LEF1: variants seen among roughly 807,000 people sequenced by gnomAD.
The protein encoded by LEF1 is lymphoid enhancer binding factor 1.
In LEF1, 14 loss-of-function variants were observed where a neutral mutation model predicts 51.2. That is an observed-to-expected ratio of 0.27 (90% CI 0.18 to 0.43). The LOEUF is 0.43. LEF1 is among the 20% of genes least tolerant of loss of function. The pLI is 1.00. For missense variants in LEF1, 386 were observed against 512.0 expected, an observed-to-expected ratio of 0.75 and a Z score of 2.37; for synonymous variants, 185 against 183.2, an observed-to-expected ratio of 1.01 and a Z score of -0.08.
At chr4:108,108,638 G>A (rs1423954289) in intron 3 of LEF1, among the ~76,000 whole-genome samples, 1 of 152,106 alleles carries the variant, frequency 6.6e-6, no homozygotes, top group Non-Finnish European at 1.5e-5. Flanking sequence ...AGTCCCACTT[G>A]TTCATCTCAC....
chr4:108,048,627 T>C lies in LEF1; in HGVS notation c.*131A>G. On this transcript the variant is annotated 3_prime_UTR_variant, in exon 12 of 12. Transcript: ENST00000265165. ...CCTCAGGGTAAAATTGATGTCAGTG[T>C]TCCTTTGGGGTCGACTGGGCAGGCC... 2 of 1,314,978 alleles carry C rather than the reference T, an allele frequency of 1.5e-6. No individual in the cohort carries two copies. Among genetic ancestry groups the C allele is most frequent in the Non-Finnish European group, 2.1e-6 (2 of 950,618 alleles). The allele number at this position is 1,314,978 out of a possible 1,614,324, so 81.5% of individuals were successfully genotyped here.
chr4:108,071,956 C>T (rs1417212580), intron 8 of LEF1: 1 of 152,290 alleles, frequency 6.6e-6, no homozygotes, highest in African/African-American at 2.4e-5. Flanking sequence ...TGCACATAAA[C>T]TATGTGCACA....
At chr4:108,141,427 G>A (rs1184845603) in intron 3 of LEF1, among the ~76,000 whole-genome samples, 2 of 152,106 alleles carry the variant, frequency 1.3e-5, no homozygotes, top group Admixed American at 6.5e-5. Context: ...ATCGAGATGT[G>A]GCATGTCAGC....
chr4:108,071,793 G>GGTA (rs1738489222), intron 8 of LEF1: 1 of 152,122 alleles, frequency 6.6e-6, no homozygotes, highest in Non-Finnish European at 1.5e-5. Flanking sequence ...CAGAGGCGAT[G>GGTA]GTAGCTATAC....
At chr4:108,155,506 A>G (rs1744633021) in intron 3 of LEF1, among the ~76,000 whole-genome samples, 1 of 152,236 alleles carries the variant, frequency 6.6e-6, no homozygotes, top group African/African-American at 2.4e-5. Context: ...GCATGATGGC[A>G]CAATAGGAAC....
chr4:108,151,223 C>T (rs933296192), intron 3 of LEF1, among the ~76,000 whole-genome samples: 3 of 152,320 alleles, frequency 2.0e-5, no homozygotes, highest in Non-Finnish European at 4.4e-5. Flanking sequence ...ACAACTCTTT[C>T]CCTCCTCCAC....
chr4:108,150,623 T>C (rs1420778814), intron 3 of LEF1, among the ~76,000 whole-genome samples: 1 of 152,134 alleles, frequency 6.6e-6, no homozygotes, highest in Non-Finnish European at 1.5e-5. Flanking sequence ...TCTTAACACT[T>C]CTGAGAGATG....
At chr4:108,165,365 C>A (rs1745322427) in intron 1 of LEF1, 2 of 520,280 alleles carry the variant, frequency 3.8e-6, no homozygotes, top group Non-Finnish European at 6.8e-6. Flanking sequence ...GATTATTATC[C>A]ACCCGGGACC....
intron 11 of LEF1, among the ~76,000 whole-genome samples, chr4:108,049,590 GA>G (rs1736846584): frequency 1.3e-5 from 2 of 152,176 alleles, no homozygotes; most frequent in African/African-American, 2.4e-5. Flanking sequence ...TGAACTTGGG[GA>G]GGCTGCTTTC....
chr4:108,135,300 CT>C (rs1038192181), intron 3 of LEF1, among the ~76,000 whole-genome samples: 1 of 152,176 alleles, frequency 6.6e-6, no homozygotes, highest in Non-Finnish European at 1.5e-5. Flanking sequence ...AAAACCCAAA[CT>C]TTTATTGGGC....
At chr4:108,115,906 G>A (rs558617244) in intron 3 of LEF1, among the ~76,000 whole-genome samples, 53 of 147,888 alleles carry the variant, frequency 3.6e-4, no homozygotes, top group Admixed American at 2.6e-3. Context: ...GCAGGCCTGC[G>A]GTCTGAAGGC....
At chr4:108,059,878 T>A (rs1737558753) in intron 11 of LEF1, among the ~76,000 whole-genome samples, 3 of 152,138 alleles carry the variant, frequency 2.0e-5, no homozygotes, top group Admixed American at 2.0e-4. Context: ...AGAGAAGGGA[T>A]CTTGCCATGT....
At chr4:108,069,268 A>G (rs1196997183) in intron 9 of LEF1, among the ~76,000 whole-genome samples, 1 of 152,232 alleles carries the variant, frequency 6.6e-6, no homozygotes, top group South Asian at 2.1e-4. Flanking sequence ...CACCATGTCC[A>G]TGGTATTTTA....
intron 3 of LEF1, among the ~76,000 whole-genome samples, chr4:108,113,636 G>A (rs577700341): frequency 2.0e-5 from 3 of 152,290 alleles, no homozygotes; most frequent in Non-Finnish European, 4.4e-5. Context: ...TCTGCTCTTC[G>A]AAGAATTCAA....
At position 108,095,863 on chromosome 4, in the gene LEF1, T is replaced by C. The variant is rs149474053; in HGVS notation, c.415-6606A>G. Among the ~76,000 whole-genome samples, 514 of 152,238 alleles carry C rather than the reference T, an allele frequency of 3.4e-3. 1 individual carries two copies. Among genetic ancestry groups the C allele is most frequent in the African/African-American group, 0.012 (483 of 41,528 alleles). ...GTTTTCAGTAACTGGAGCCTGTAAA[T>C]AGAGGGACTGGGGTTAAGGTTAGAG... On this transcript the variant is annotated intron_variant, in intron 3 of 11. Transcript: ENST00000265165.
intron 1 of LEF1, among the ~76,000 whole-genome samples, chr4:108,166,033 G>T (rs1745367515): frequency 6.6e-6 from 1 of 152,186 alleles, no homozygotes; most frequent in Non-Finnish European, 1.5e-5. Context: ...AGAAAGAGAG[G>T]CTGCTCTACA....
intron 11 of LEF1, among the ~76,000 whole-genome samples, chr4:108,058,887 T>C (rs539224360): frequency 2.9e-4 from 44 of 152,300 alleles, no homozygotes; most frequent in African/African-American, 1.0e-3. Flanking sequence ...ATGACACCGG[T>C]CTTCCAGCTG....
intron 8 of LEF1, among the ~76,000 whole-genome samples, chr4:108,071,290 A>G (rs1738460475): frequency 6.6e-6 from 1 of 152,198 alleles, no homozygotes; most frequent in African/African-American, 2.4e-5. Context: ...ATCTATAAAG[A>G]AGGACATGAA....
At chr4:108,149,895 TTTTA>T (rs1260305916) in intron 3 of LEF1, among the ~76,000 whole-genome samples, 2 of 151,940 alleles carry the variant, frequency 1.3e-5, no homozygotes, top group African/African-American at 2.4e-5. Context: ...TATAGGTACT[TTTTA>T]TTTATTTTTT....
Sources: gnomAD v4.1 joint callset for allele counts (sites outside exome capture counted in the v4.1 genomes callset) on GRCh38, gnomAD v4.1.1 for gene constraint, MANE v1.5 for transcripts, NCBI Gene and HGNC (gene_info 2026-07-23, HGNC 2026-07-21) for gene names.